The following TPR variants were observed in gnomAD, a reference collection of about 807,000 sequenced individuals.
TPR encodes translocated promoter region, nuclear basket protein, also known as nucleoprotein TPR.
Under a neutral mutation model 316.1 loss-of-function variants are expected in TPR, and 51 were observed. That is an observed-to-expected ratio of 0.16 (90% CI 0.13 to 0.20). TPR has a LOEUF of 0.20. Ranked by LOEUF, TPR falls within the 10% of genes least tolerant of loss-of-function variation. The probability of loss-of-function intolerance (pLI) is 1.00; values close to 1 mark genes in which losing one functional copy is unlikely to be tolerated. For missense variants in TPR, 2,272 were observed against 2,754.8 expected, an observed-to-expected ratio of 0.82 and a Z score of 3.92; for synonymous variants, 981 against 914.7, an observed-to-expected ratio of 1.07 and a Z score of -1.31.
At chr1:186,368,447 A>C (rs962329918) in intron 3 of TPR, among the ~76,000 whole-genome samples, 4 of 152,256 alleles carry the variant, frequency 2.6e-5, no homozygotes, top group Admixed American at 2.6e-4. Flanking sequence ...CCCAGTCTCT[A>C]CAAGTAGAAA....
Position 186,360,342 on chromosome 1 carries a change from C to G in TPR, c.1122G>C (p.Glu374Asp). ...CTGCAGTAGGAGACATGGCGGCAAG[C>G]TCTTCTTCAGACAATATGGCTCCTG... is the stretch of plus-strand genomic sequence containing the variant. ...KRKGAILSEE[E>D]LAAMSPTAAA... Residue 374 changes from glutamate (E) to aspartate (D), a missense_variant, in exon 11 of 51, where the codon GAG becomes GAC. Physicochemically the swap from Glu to Asp is conservative, Grantham distance 45 (BLOSUM62 2). Transcript: ENST00000367478. 1 of 1,613,342 alleles carries G rather than the reference C, an allele frequency of 6.2e-7. No homozygotes were observed. The highest frequency in any genetic ancestry group is 8.5e-7 in the Non-Finnish European group (1 of 1,179,502).
At chr1:186,323,932 T>G in intron 42 of TPR, 62 bp from the exon 43 acceptor site, 5 of 1,441,022 alleles carry the variant, frequency 3.5e-6, no homozygotes, top group South Asian at 1.4e-5. Flanking sequence ...ACTTGGACAA[T>G]CCCTAGAAGT....
chr1:186,355,409 C>A lies in TPR; in HGVS notation c.2171+1G>T. ...TTAATTTGAAACAAAAGAAAACTTACCGTTTAGAAGCAAAATCTAGCTGGG... is the reference window on the plus strand; with the variant it reads ...TTAATTTGAAACAAAAGAAAACTTAACGTTTAGAAGCAAAATCTAGCTGGG... On this transcript the variant is annotated splice_donor_variant, in intron 17 of 50. Coordinates refer to ENST00000367478, the MANE Select transcript of TPR (RefSeq NM_003292.3). LOFTEE classifies it high-confidence loss of function. 6.2e-7 allele frequency: 1 copy of A among 1,605,472 alleles called. No individual in the cohort carries two copies. The highest frequency in any genetic ancestry group is 8.5e-7 in the Non-Finnish European group (1 of 1,178,116).
rs1658618516 is a variant in TPR at position 186,344,585 on chromosome 1, G to C, written c.3214-7C>G. 1 of 1,497,352 alleles carries C rather than the reference G, an allele frequency of 6.7e-7. No individual in the cohort carries two copies. The highest frequency in any genetic ancestry group is 8.9e-7 in the Non-Finnish European group (1 of 1,125,984). 92.8% of individuals were successfully genotyped at this position (1,497,352 alleles called of 1,614,324 possible). ...CTTCCACAGCTATTTTAGCCTATAA[G>C]AAATTATTACCCAATTGATACCAAA... is the stretch of plus-strand genomic sequence containing the variant. On this transcript the variant is annotated splice_region_variant and splice_polypyrimidine_tract_variant and intron_variant, in intron 24 of 50. Transcript: ENST00000367478.
At chr1:186,349,445 A>C (rs1658784695) in intron 21 of TPR, among the ~76,000 whole-genome samples, 1 of 152,020 alleles carries the variant, frequency 6.6e-6, no homozygotes. Context: ...CAAGGTCAGG[A>C]GATCGAGACC....
At chr1:186,364,753 T>C (rs1433864171) in intron 4 of TPR, among the ~76,000 whole-genome samples, 1 of 152,206 alleles carries the variant, frequency 6.6e-6, no homozygotes, top group African/African-American at 2.4e-5. Context: ...AGAAAGGTTA[T>C]ATGCCTGCAC....
rs1285734406 is a variant in TPR at position 186,334,375 on chromosome 1, G to A, written c.5132C>T (p.Thr1711Ile). Reference protein sequence around the residue: ...VTPATVTNPTTTPTATVMPTT... With the variant: ...VTPATVTNPTITPTATVMPTT... The stretch of plus-strand genomic sequence containing the variant: ...GGGCATCACTGTAGCTGTTGGGGTA[G>A]TAGTGGGATTTGTAACAGTTGCAGG... The change falls in exon 36 of 51, where the codon ACT (threonine) becomes ATT (isoleucine). Residue 1711 changes from threonine to isoleucine, a missense_variant. Thr to Ile is a moderately conservative substitution (Grantham distance 89). Around this residue, in one of 10 missense-constraint regions of TPR, gnomAD observed 109 missense variants for 215.3 expected, o/e 0.51. Transcript: ENST00000367478. 6.2e-7 allele frequency: 1 copy of A among 1,613,548 alleles called. No homozygotes were observed. Among genetic ancestry groups the A allele is most frequent in the South Asian group, 1.1e-5 (1 of 91,060 alleles).
chr1:186,360,226 C>A, intron 11 of TPR, 47 bp downstream of exon 11: 1 of 1,575,220 alleles, frequency 6.3e-7, no homozygotes, highest in Non-Finnish European at 8.7e-7. Flanking sequence ...GATTTGTATA[C>A]ATTTGCTGAA....
At chr1:186,341,764 C>T (rs183552867) in intron 27 of TPR, 192 of 162,346 alleles carry the variant, frequency 1.2e-3, no homozygotes, top group South Asian at 3.4e-3. Context: ...TCAGAAATCT[C>T]TCATTTTGAT....
chr1:186,364,026 C>T (rs994353155), intron 4 of TPR, among the ~76,000 whole-genome samples: 3 of 152,118 alleles, frequency 2.0e-5, no homozygotes, highest in Non-Finnish European at 2.9e-5. Flanking sequence ...TGCTGTGTGA[C>T]TCTATTGTGA....
rs773889380 is a variant in TPR at position 186,347,451 on chromosome 1, A to C, written c.2784T>G (p.Pro928=). The change falls in exon 22 of 51, where the codon CCT becomes CCG. Residue 928 remains proline, a synonymous_variant. Coordinates refer to ENST00000367478, the MANE Select transcript of TPR (RefSeq NM_003292.3). ...QSSQRTGKGQ[P]SNKEDVDDLV... ...GATCATCCACATCTTCTTTGTTGCT[A>C]GGCTGACCTAAAAGACATAACAGCT... The C allele has an allele frequency of 6.2e-7, 1 of 1,613,770 alleles. No homozygotes were observed. Among genetic ancestry groups the C allele is most frequent in the Admixed American group, 1.7e-5 (1 of 60,002 alleles).
chr1:186,321,846 TAATC>T (rs1449909751), intron 45 of TPR, among the ~76,000 whole-genome samples: 12 of 152,350 alleles, frequency 7.9e-5, no homozygotes, highest in East Asian at 3.9e-4. Context: ...TACCAACACT[TAATC>T]AACAACTATA....
chr1:186,361,227 T>C (rs191173012), intron 9 of TPR, among the ~76,000 whole-genome samples: 339 of 152,018 alleles, frequency 2.2e-3, no homozygotes, highest in Non-Finnish European at 4.1e-3. Context: ...ACCATAAATA[T>C]AATACATTGA....
Position 186,322,498 on chromosome 1 carries a change from C to G in TPR, c.6366+20G>C, listed in dbSNP as rs768617111. ...CTGCTCAAGAAATGAATTACTTTTA[C>G]ATAATGGGTAAGTACTTACCATGCC... On this transcript the variant is annotated intron_variant, in intron 44 of 50. Coordinates refer to ENST00000367478, the MANE Select transcript of TPR (RefSeq NM_003292.3). 1.6e-5 allele frequency: 26 copies of G among 1,613,804 alleles called. No individual in the cohort carries two copies. Among genetic ancestry groups the G allele is most frequent in the Non-Finnish European group, 1.3e-5 (15 of 1,179,750 alleles).
intron 50 of TPR, 123 bp downstream of exon 50, chr1:186,314,506 T>A (rs1657525935): frequency 1.5e-6 from 1 of 649,976 alleles, no homozygotes; most frequent in African/African-American, 1.8e-5. Context: ...GCTCAACATG[T>A]AATTATTTAA....
At chr1:186,362,802 T>G in intron 6 of TPR, 35 bp downstream of exon 6, 1 of 1,544,588 alleles carries the variant, frequency 6.5e-7, no homozygotes, top group Non-Finnish European at 8.7e-7. Flanking sequence ...TAAGTTATAC[T>G]CAACATGAAG....
chr1:186,351,318 T>G lies in TPR; in HGVS notation c.2610+12A>C. ...AACACCCTACAGAAATTCAGAACTC[T>G]GATGGACTCACATCTAGATTTCTAG... On this transcript the variant is annotated intron_variant, in intron 20 of 50. Coordinates refer to ENST00000367478, the MANE Select transcript of TPR (RefSeq NM_003292.3). The G allele has an allele frequency of 6.3e-7, 1 of 1,600,000 alleles. No individual in the cohort carries two copies. The highest frequency in any genetic ancestry group is 1.7e-5 in the Admixed American group (1 of 57,716).
Position 186,345,525 on chromosome 1 carries a change from T to C in TPR, c.3213+55A>G, listed in dbSNP as rs1296769728. On this transcript the variant is annotated intron_variant, in intron 24 of 50. Transcript: ENST00000367478. The stretch of plus-strand genomic sequence containing the variant: ...AGTTCTTATAATGCATAAATATACT[T>C]CAAGAATCATTCTCTAGGATCGAAG... 8.0e-6 allele frequency: 11 copies of C among 1,374,184 alleles called. No homozygotes were observed. In the South Asian group the frequency reaches 1.2e-4, roughly 15 times the overall value. The allele number at this position is 1,374,184 out of a possible 1,614,324, so 85.1% of individuals were successfully genotyped here. A position where few individuals can be genotyped will look rare whatever the true frequency, so the allele number is the denominator to read the frequency against.
In TPR at chr1:186,338,222, G is replaced by A. The variant is rs1658397570; in HGVS notation, c.4173C>T (p.Asn1391=). The change falls in exon 31 of 51, where the codon AAC becomes AAT. Residue 1391 remains asparagine (N), a synonymous_variant. Coordinates refer to ENST00000367478, the MANE Select transcript of TPR (RefSeq NM_003292.3). ...TCAGACTCTGAATTAAGTTCTGGTT[G>A]TTAGTCAAAGATGCATTTGATCTTT... ...EIARSNASLT[N]NQNLIQSLKE... 1.2e-6 allele frequency: 2 copies of A among 1,608,464 alleles called. No homozygotes were observed. Among genetic ancestry groups the A allele is most frequent in the Admixed American group, 1.7e-5 (1 of 59,098 alleles).
Sources: gnomAD v4.1 joint callset for allele counts (sites outside exome capture counted in the v4.1 genomes callset) on GRCh38, gnomAD v4.1.1 for gene constraint, gnomAD v4.1.1 regional missense constraint, MANE v1.5 for transcripts, NCBI Gene and HGNC (gene_info 2026-07-23, HGNC 2026-07-21) for gene names.